The following RPL14 variants were observed in gnomAD, a reference collection of about 807,000 sequenced individuals.
The protein encoded by RPL14 is ribosomal protein L14.
Under a neutral mutation model 25.3 loss-of-function variants are expected in RPL14, and 4 were observed. That is an observed-to-expected ratio of 0.16 (90% CI 0.08 to 0.36). The LOEUF (loss-of-function observed/expected upper bound fraction) is 0.36, where lower values mean the gene tolerates loss of function less well. Ranked by LOEUF, RPL14 falls within the 10% of genes least tolerant of loss-of-function variation. RPL14 has a pLI of 1.00. For synonymous variants in RPL14, 75 were observed against 89.8 expected (o/e 0.84, Z 0.93); for missense variants, 212 against 261.9 (o/e 0.81, Z 1.31).
rs1033911061 is a variant in RPL14 at position 40,462,375 on chromosome 3, T to C, written c.*143T>C. On this transcript the variant is annotated 3_prime_UTR_variant, in exon 6 of 6. Transcript: ENST00000396203. ...AATAAACATTAAATAATCAGTTCCTTTTTTTTTTTTTTTTTTTTTGAGATG... is the reference window on the plus strand; with the variant it reads ...AATAAACATTAAATAATCAGTTCCTCTTTTTTTTTTTTTTTTTTTGAGATG... The C allele has an allele frequency of 1.3e-5, 1 of 76,328 alleles. No individual in the cohort carries two copies. The highest frequency in any genetic ancestry group is 2.2e-5 in the Non-Finnish European group (1 of 46,384). The allele number at this position is 76,328 out of a possible 1,614,324, so 4.7% of individuals were successfully genotyped here.
In RPL14 at chr3:40,461,585, A is replaced by T. The variant is rs1463767952; in HGVS notation, c.301-23A>T. On this transcript the variant is annotated intron_variant, in intron 4 of 5. Coordinates refer to ENST00000396203, the MANE Select transcript of RPL14 (RefSeq NM_001034996.3). The stretch of plus-strand genomic sequence containing the variant: ...AGATAGTGTGAGAGGGATAATTTTT[A>T]TTTGTTGTTTTTTTTTTAACAGAAA... The T allele has an allele frequency of 8.1e-6, 13 of 1,599,050 alleles. No individual in the cohort carries two copies. The East Asian group carries it at 8.9e-5, about 11-fold the overall frequency.
In RPL14 at chr3:40,460,782, A is replaced by G. The variant is rs576814883; in HGVS notation, c.201-625A>G. 3.3e-5 allele frequency among the ~76,000 whole-genome samples: 5 copies of G among 152,152 alleles called. 1 individual carries two copies. The highest frequency in any genetic ancestry group is 1.9e-4 in the East Asian group (1 of 5,132). On this transcript the variant is annotated intron_variant, in intron 3 of 5. Transcript: ENST00000396203. ...TTTTTAGTAGAGATGGGGTTTCACT[A>G]TGTTGGCCAACCTGGTCTTGAACTC...
chr3:40,462,336 G>T lies in RPL14; in HGVS notation c.*104G>T. ...TGAGGCTGGAGTTAGGAGGCAGATT[G>T]ATAGTAGGATTATAATAAACATTAA... On this transcript the variant is annotated 3_prime_UTR_variant, in exon 6 of 6. Coordinates refer to ENST00000396203, the MANE Select transcript of RPL14 (RefSeq NM_001034996.3). The T allele has an allele frequency of 1.0e-6, 1 of 980,122 alleles. No homozygotes were observed. Among genetic ancestry groups the T allele is most frequent in the Non-Finnish European group, 1.5e-6 (1 of 682,272 alleles). The allele number at this position is 980,122 out of a possible 1,614,324, so 60.7% of individuals were successfully genotyped here.
chr3:40,459,166 A>T (rs1305141289), intron 3 of RPL14: 3 of 158,362 alleles, frequency 1.9e-5, no homozygotes, highest in Admixed American at 1.9e-4. Context: ...CCTGGATGAC[A>T]GAGTGAGACC....
In RPL14 at chr3:40,464,456, A is replaced by G. The variant is rs1312257653; in HGVS notation, c.*2224A>G. The G allele has an allele frequency of 6.6e-6, 3 of 455,894 alleles. No individual in the cohort carries two copies. Among genetic ancestry groups the G allele is most frequent in the African/African-American group, 6.0e-5 (3 of 50,062 alleles). 28.2% of individuals were successfully genotyped at this position (455,894 alleles called of 1,614,324 possible). A position where few individuals can be genotyped will look rare whatever the true frequency, so the allele number is the denominator to read the frequency against. Reference sequence around the variant, plus strand: ...TCTAGAGAAAGTGGCATCTATACCTAAAATAAGAAGAAGGTGGTGTAAGGG... The same window carrying G: ...TCTAGAGAAAGTGGCATCTATACCTGAAATAAGAAGAAGGTGGTGTAAGGG... On this transcript the variant is annotated 3_prime_UTR_variant, in exon 6 of 6. Coordinates refer to ENST00000396203, the MANE Select transcript of RPL14 (RefSeq NM_001034996.3).
At position 40,465,430 on chromosome 3, in the gene RPL14, G is replaced by A. The variant is rs1321967507; in HGVS notation, c.*3198G>A. 1 of 152,188 alleles carries A rather than the reference G, an allele frequency of 6.6e-6. No homozygotes were observed. Among genetic ancestry groups the A allele is most frequent in the South Asian group, 2.1e-4 (1 of 4,826 alleles). The allele number at this position is 152,188 out of a possible 1,614,324, so 9.4% of individuals were successfully genotyped here. ...GGAAGGGATGGATCCTAGGGGAGAG[G>A]AGGAAGGATTGGCTTTAGAGGAAAG... On this transcript the variant is annotated 3_prime_UTR_variant, in exon 6 of 6. Coordinates refer to ENST00000396203, the MANE Select transcript of RPL14 (RefSeq NM_001034996.3).
At chr3:40,461,713 A>T (rs905508077) in intron 5 of RPL14, 52 bp downstream of exon 5, 1 of 1,501,950 alleles carries the variant, frequency 6.7e-7, no homozygotes, top group African/African-American at 1.4e-5. Context: ...ATAATAAGGG[A>T]GCAGTAGCCA....
chr3:40,461,262 T>A (rs1258334734), intron 3 of RPL14, 145 bp from the exon 4 acceptor site: 3 of 651,902 alleles, frequency 4.6e-6, no homozygotes, highest in Non-Finnish European at 8.2e-6. Flanking sequence ...CTATTCTGGC[T>A]TACTGAACAC....
At chr3:40,461,734 C>T (rs1338704118) in intron 5 of RPL14, 73 bp downstream of exon 5, 2 of 1,419,756 alleles carry the variant, frequency 1.4e-6, no homozygotes, top group East Asian at 4.6e-5. Context: ...AATCCCATTT[C>T]AGGCTGCCAG....
chr3:40,459,108 A>C, intron 3 of RPL14: 1 of 225,766 alleles, frequency 4.4e-6, no homozygotes, highest in Non-Finnish European at 9.1e-6. Context: ...GGATCGTTTT[A>C]GCGAGGTCGA....
In RPL14 at chr3:40,462,382, T is replaced by G; in HGVS notation, c.*150T>G. 1 of 839,286 alleles carries G rather than the reference T, an allele frequency of 1.2e-6. No homozygotes were observed. Among genetic ancestry groups the G allele is most frequent in the African/African-American group, 1.8e-5 (1 of 55,104 alleles). 52.0% of individuals were successfully genotyped at this position (839,286 alleles called of 1,614,324 possible). ...ATTAAATAATCAGTTCCTTTTTTTT[T>G]TTTTTTTTTTTTGAGATGGAGTCTC... On this transcript the variant is annotated 3_prime_UTR_variant, in exon 6 of 6. Transcript: ENST00000396203.
At position 40,462,309 on chromosome 3, in the gene RPL14, G is replaced by A; in HGVS notation, c.*77G>A. ...ATTTAAGCCTTTGGATTTAAAGCCT[G>A]TTGAGGCTGGAGTTAGGAGGCAGAT... On this transcript the variant is annotated 3_prime_UTR_variant, in exon 6 of 6. Coordinates refer to ENST00000396203, the MANE Select transcript of RPL14 (RefSeq NM_001034996.3). 2.8e-6 allele frequency: 4 copies of A among 1,419,830 alleles called. No individual in the cohort carries two copies. The highest frequency in any genetic ancestry group is 3.8e-6 in the Non-Finnish European group (4 of 1,065,316). 88.0% of individuals were successfully genotyped at this position (1,419,830 alleles called of 1,614,324 possible). A position where few individuals can be genotyped will look rare whatever the true frequency, so the allele number is the denominator to read the frequency against.
At chr3:40,457,834 C>CAT in intron 1 of RPL14, 56 bp from the exon 2 acceptor site, 1 of 1,446,208 alleles carries the variant, frequency 6.9e-7, no homozygotes, top group South Asian at 1.1e-5. Flanking sequence ...CAGAAGGTGA[C>CAT]ATATGTAGCG....
chr3:40,458,786 C>T (rs569208037), intron 3 of RPL14, 50 bp downstream of exon 3: 74 of 1,479,528 alleles, frequency 5.0e-5, no homozygotes, highest in Non-Finnish European at 5.3e-5. Context: ...TTTGTTTATG[C>T]TAGTAAAAGT....
intron 3 of RPL14, among the ~76,000 whole-genome samples, chr3:40,459,728 G>A (rs1165953327): frequency 6.6e-6 from 1 of 151,978 alleles, no homozygotes; most frequent in Non-Finnish European, 1.5e-5. Flanking sequence ...GCATGGTGGC[G>A]GACACCTGTA....
intron 3 of RPL14, chr3:40,459,208 C>A (rs1696892201): frequency 6.5e-6 from 1 of 154,660 alleles, no homozygotes; most frequent in Non-Finnish European, 1.4e-5. Context: ...AAAATAAATG[C>A]CTTGAGGTCA....
At chr3:40,459,034 G>T (rs372857651) in intron 3 of RPL14, 19 of 320,142 alleles carry the variant, frequency 5.9e-5, no homozygotes, top group East Asian at 1.5e-4. Context: ...AAAAAAATTC[G>T]TTGGGCATGG....
rs1697000990 is a variant in RPL14, at chr3:40,464,576, A to G, written c.*2344A>G. ...AAGTAGGTTAGTGGTTAGATCGTGT[A>G]GGGGAACACGGGAAGCTACTGAGGG... On this transcript the variant is annotated 3_prime_UTR_variant, in exon 6 of 6. Transcript: ENST00000396203. 2.2e-6 allele frequency: 1 copy of G among 451,552 alleles called. No individual in the cohort carries two copies. The highest frequency in any genetic ancestry group is 2.0e-5 in the African/African-American group (1 of 49,802). 28.0% of individuals were successfully genotyped at this position (451,552 alleles called of 1,614,324 possible). A position where few individuals can be genotyped will look rare whatever the true frequency, so the allele number is the denominator to read the frequency against.
intron 5 of RPL14, 67 bp downstream of exon 5, chr3:40,461,728 C>G (rs150885265): frequency 7.0e-7 from 1 of 1,438,382 alleles, no homozygotes; most frequent in African/African-American, 1.4e-5. Context: ...TAGCCAAATC[C>G]CATTTCAGGC....
Sources: gnomAD v4.1 joint callset for allele counts (sites outside exome capture counted in the v4.1 genomes callset) on GRCh38, gnomAD v4.1.1 for gene constraint, MANE v1.5 for transcripts, NCBI Gene and HGNC (gene_info 2026-07-23, HGNC 2026-07-21) for gene names.